Variants in MCC observed in about 807,000 individuals in gnomAD.
The protein encoded by MCC is MCC regulator of Wnt signaling pathway.
Under a neutral mutation model 116.2 loss-of-function variants are expected in MCC, and 90 were observed. The observed-to-expected ratio is 0.77, with a 90% confidence interval of 0.65 to 0.92. The LOEUF is 0.92. Among genes scored for constraint, MCC ranks in the 40% least tolerant of loss-of-function variants. The probability of loss-of-function intolerance (pLI) is 0.00; values close to 1 mark genes in which losing one functional copy is unlikely to be tolerated. For synonymous variants in MCC, 578 were observed against 510.5 expected (o/e 1.13, Z -1.78); for missense variants, 1,516 against 1,312.2 (o/e 1.16, Z -2.40).
At chr5:113,339,567 T>G (rs945652488) in intron 3 of MCC, among the ~76,000 whole-genome samples, 1 of 152,164 alleles carries the variant, frequency 6.6e-6, no homozygotes, top group African/African-American at 2.4e-5. Context: ...TTATTAGACT[T>G]TCCTTGTTTT....
At chr5:113,308,721 G>A (rs1767059494) in intron 3 of MCC, among the ~76,000 whole-genome samples, 1 of 152,122 alleles carries the variant, frequency 6.6e-6, no homozygotes, top group Middle Eastern at 3.4e-3. Flanking sequence ...TGAAGTGGGA[G>A]GATTGCTTGA....
At position 113,049,164 on chromosome 5, in the gene MCC, C is replaced by A; in HGVS notation, c.2584G>T (p.Glu862Ter). The A allele has an allele frequency of 6.2e-7, 1 of 1,614,220 alleles. No individual in the cohort carries two copies. Among genetic ancestry groups the A allele is most frequent in the South Asian group, 1.1e-5 (1 of 91,088 alleles). Residue 862 changes from glutamate to a stop codon, truncating the protein, a stop_gained, in exon 16 of 19, where the codon GAG becomes TAG. Coordinates refer to ENST00000408903, the MANE Select transcript of MCC (RefSeq NM_001085377.2). LOFTEE classifies it high-confidence loss of function. Reference sequence around the variant, plus strand: ...CGCATCCGCTGCTCCTTCTGCTCCTCCACCTCGGACTTCAGGTGCTCAATG... The same window carrying A: ...CGCATCCGCTGCTCCTTCTGCTCCTACACCTCGGACTTCAGGTGCTCAATG... Reference protein sequence around the residue: ...VHIEHLKSEVEEQKEQRMRSL... With the variant: ...VHIEHLKSEV
chr5:113,199,793 C>T (rs1486060587), intron 3 of MCC, among the ~76,000 whole-genome samples: 1 of 152,198 alleles, frequency 6.6e-6, no homozygotes, highest in African/African-American at 2.4e-5. Context: ...AAGGCTAATA[C>T]CATCCTCTCC....
intron 11 of MCC, among the ~76,000 whole-genome samples, chr5:113,082,309 A>T (rs1161909065): frequency 6.6e-6 from 1 of 152,260 alleles, no homozygotes; most frequent in Admixed American, 6.5e-5. Context: ...CTAGGCAACC[A>T]TCAGGAAGAT....
At chr5:113,028,534 G>C (rs1023092162) in intron 18 of MCC, among the ~76,000 whole-genome samples, 4 of 152,180 alleles carry the variant, frequency 2.6e-5, no homozygotes, top group Admixed American at 1.3e-4. Flanking sequence ...CCCAGTCTTA[G>C]AGCAGTATTT....
chr5:113,459,032 G>A (rs937575497), intron 1 of MCC, among the ~76,000 whole-genome samples: 3 of 151,954 alleles, frequency 2.0e-5, no homozygotes, highest in Non-Finnish European at 1.5e-5. Context: ...GCCTCTCCCA[G>A]ACAGCTCACT....
chr5:113,066,694 G>C lies in MCC; in HGVS notation c.2029+1386C>G, dbSNP rs573641345. ...TGCAAAAGTGAGCCCCCAGACAAAG[G>C]GGGAGGAGCGGGGAAGAAGGACAGG... On this transcript the variant is annotated intron_variant, in intron 13 of 18. Coordinates refer to ENST00000408903, the MANE Select transcript of MCC (RefSeq NM_001085377.2). Among the ~76,000 whole-genome samples, 3 of 152,350 alleles carry C rather than the reference G, an allele frequency of 2.0e-5. No individual in the cohort carries two copies. The East Asian group carries it at 5.8e-4, about 29-fold the overall frequency.
intron 3 of MCC, among the ~76,000 whole-genome samples, chr5:113,318,809 G>A (rs1213752738): frequency 1.3e-5 from 2 of 151,972 alleles, no homozygotes; most frequent in African/African-American, 2.4e-5. Context: ...AAACCTCCAC[G>A]TGTGCCCCGG....
At chr5:113,092,448 C>T (rs1362810614) in intron 8 of MCC, among the ~76,000 whole-genome samples, 2 of 152,190 alleles carry the variant, frequency 1.3e-5, no homozygotes, top group Non-Finnish European at 1.5e-5. Flanking sequence ...GCATTTTGGA[C>T]TTCTGACCCC....
chr5:113,463,744 G>T (rs1771818519), intron 1 of MCC, among the ~76,000 whole-genome samples: 1 of 152,196 alleles, frequency 6.6e-6, no homozygotes. Context: ...GACCGAGCTG[G>T]ACATTTACTA....
At chr5:113,468,255 G>C (rs201241265) in intron 1 of MCC, among the ~76,000 whole-genome samples, 109,550 of 151,928 alleles carry the variant, frequency 0.72, 39,920 homozygotes, top group East Asian at 0.86. Flanking sequence ...TCCCTGTCTT[G>C]TGCCAGTTTT....
At position 113,112,452 on chromosome 5, in the gene MCC, G is replaced by A. The variant is rs190247345; in HGVS notation, c.1028-8097C>T. On this transcript the variant is annotated intron_variant, in intron 6 of 18. Coordinates refer to ENST00000408903, the MANE Select transcript of MCC (RefSeq NM_001085377.2). ...TTTTCCTCCTTCTCTGGCCATGTAA[G>A]ATGTGCTTGCTTCCCCTTCACCTTC... Among the ~76,000 whole-genome samples the A allele has an allele frequency of 9.3e-4, 141 of 152,294 alleles. 2 individuals carry two copies. The highest frequency in any genetic ancestry group is 3.3e-3 in the African/African-American group (135 of 41,536).
chr5:113,414,535 C>G (rs904177619), intron 1 of MCC, among the ~76,000 whole-genome samples: 1 of 152,058 alleles, frequency 6.6e-6, no homozygotes, highest in Non-Finnish European at 1.5e-5. Flanking sequence ...GCCTTTGTCT[C>G]TTTTAATCTT....
intron 1 of MCC, among the ~76,000 whole-genome samples, chr5:113,444,674 C>T (rs1282404128): frequency 6.6e-6 from 1 of 152,252 alleles, no homozygotes. Context: ...CTTATTGTTG[C>T]TACTGGTTCC....
In MCC at chr5:113,246,432, A is replaced by C. The variant is rs185998952; in HGVS notation, c.627+94087T>G. ...ACAGAAAGAGGGGAAGTGACGTTAC[A>C]TTGTGAAACTTAAGGGAGGAATTTC... On this transcript the variant is annotated intron_variant, in intron 3 of 18. Coordinates refer to ENST00000408903, the MANE Select transcript of MCC (RefSeq NM_001085377.2). 3.3e-5 allele frequency among the ~76,000 whole-genome samples: 5 copies of C among 152,362 alleles called. No individual in the cohort carries two copies. In the East Asian group the frequency reaches 7.7e-4, roughly 23 times the overall value.
At chr5:113,254,334 A>G (rs1764923486) in intron 3 of MCC, among the ~76,000 whole-genome samples, 1 of 152,272 alleles carries the variant, frequency 6.6e-6, no homozygotes, top group Admixed American at 6.5e-5. Context: ...ATGTCTAAGA[A>G]AAAGGAAAAT....
chr5:113,244,163 T>C (rs1376174022), intron 3 of MCC, among the ~76,000 whole-genome samples: 2 of 152,218 alleles, frequency 1.3e-5, no homozygotes, highest in Non-Finnish European at 2.9e-5. Flanking sequence ...AATAAATTTG[T>C]AAATGGGAAC....
intron 3 of MCC, among the ~76,000 whole-genome samples, chr5:113,207,452 T>A (rs144940525): frequency 0.021 from 273 of 13,150 alleles, 1 homozygote; most frequent in African/African-American, 0.09. Flanking sequence ...TCCTCCATCG[T>A]GGAGGGTGGG....
chr5:113,143,071 A>T, intron 5 of MCC, 147 bp downstream of exon 5: 1 of 836,454 alleles, frequency 1.2e-6, no homozygotes, highest in Non-Finnish European at 1.8e-6. Context: ...CAAAAGCCTT[A>T]GATACAAAGA....
Sources: gnomAD v4.1 joint callset for allele counts (sites outside exome capture counted in the v4.1 genomes callset) on GRCh38, gnomAD v4.1.1 for gene constraint, MANE v1.5 for transcripts, NCBI Gene and HGNC (gene_info 2026-07-23, HGNC 2026-07-21) for gene names.